Variants in THSD4 observed in about 807,000 individuals in gnomAD.
THSD4 encodes the protein thrombospondin type 1 domain containing 4.
THSD4 carries 69 observed loss-of-function variants against 119.0 expected under a neutral mutation model. The ratio of observed to expected loss-of-function variants is 0.58; its 90% CI spans 0.48 to 0.71. THSD4 has a LOEUF of 0.71. THSD4 is among the 30% of genes least tolerant of loss of function. The probability of loss-of-function intolerance (pLI) is 0.00; values close to 1 mark genes in which losing one functional copy is unlikely to be tolerated. For synonymous variants in THSD4, 524 were observed against 540.4 expected (o/e 0.97, Z 0.42); for missense variants, 1,393 against 1,391.1 (o/e 1.00, Z -0.02).
chr15:71,442,660 G>GTGTGTGTATATATA, intron 7 of THSD4, among the ~76,000 whole-genome samples: 2 of 25,828 alleles, frequency 7.7e-5, no homozygotes, highest in African/African-American at 1.1e-4. Context: ...GTGTGTGTGT[G>GTGTGTGTATATATA]TATATATATA....
chr15:71,716,718 ATCC>A (rs751291251), intron 8 of THSD4, among the ~76,000 whole-genome samples: 14 of 151,860 alleles, frequency 9.2e-5, no homozygotes, highest in Non-Finnish European at 1.8e-4. Context: ...GCACACTATC[ATCC>A]TCCTACCCGA....
chr15:71,313,616 A>G (rs1336461845), intron 6 of THSD4, among the ~76,000 whole-genome samples: 1 of 152,180 alleles, frequency 6.6e-6, no homozygotes, highest in Non-Finnish European at 1.5e-5. Context: ...TAGTTTCAAT[A>G]TATAGACAAT....
intron 7 of THSD4, among the ~76,000 whole-genome samples, chr15:71,640,249 A>ATTT (rs201551522): frequency 1.4e-3 from 201 of 146,592 alleles, no homozygotes; most frequent in African/African-American, 4.8e-3. Context: ...TGCTCAGCTA[A>ATTT]TTTTTTTTTT....
At chr15:71,365,131 T>TTGTGTGTGTGTGTGTGTG (rs10690804) in intron 6 of THSD4, among the ~76,000 whole-genome samples, 10,037 of 135,662 alleles carry the variant, frequency 0.074, 669 homozygotes, top group Non-Finnish European at 0.1. Flanking sequence ...GCCCCCCCCA[T>TTGTGTGTGTGTGTGTGTG]TGTGTGTGTG....
At chr15:71,172,704 T>C (rs1267306769) in intron 3 of THSD4, among the ~76,000 whole-genome samples, 2 of 107,732 alleles carry the variant, frequency 1.9e-5, no homozygotes, top group African/African-American at 9.1e-5. Flanking sequence ...TATATATATA[T>C]ATATATATAT....
At chr15:71,172,698 T>TATATATATGAC (rs2043386437) in intron 3 of THSD4, among the ~76,000 whole-genome samples, 1 of 96,382 alleles carries the variant, frequency 1.0e-5, no homozygotes, top group African/African-American at 5.4e-5. Context: ...TATATATATA[T>TATATATATGAC]ATATATATAT....
intron 8 of THSD4, among the ~76,000 whole-genome samples, chr15:71,682,109 T>A (rs2051795045): frequency 6.6e-6 from 1 of 152,170 alleles, no homozygotes; most frequent in African/African-American, 2.4e-5. Context: ...CCAAGGTCTT[T>A]ATGGACCTGC....
At chr15:71,641,413 A>G (rs1206557210) in intron 7 of THSD4, among the ~76,000 whole-genome samples, 2 of 151,984 alleles carry the variant, frequency 1.3e-5, no homozygotes, top group Admixed American at 1.3e-4. Flanking sequence ...CCAGGTCTTT[A>G]CACCATTGTT....
chr15:71,167,061 G>A (rs184897605), intron 3 of THSD4: 7 of 152,164 alleles, frequency 4.6e-5, no homozygotes, highest in Admixed American at 1.3e-4. Flanking sequence ...GGATTCTCTG[G>A]TTTCCTTGGT....
chr15:71,728,470 C>T, intron 8 of THSD4, 79 bp from the exon 9 acceptor site: 1 of 1,533,702 alleles, frequency 6.5e-7, no homozygotes, highest in Non-Finnish European at 8.9e-7. Flanking sequence ...AATGAAGAAG[C>T]CAGAAACTGG....
rs74021983 is a variant in THSD4 at position 71,395,358 on chromosome 15, C to A, written c.1016-16329C>A. 3.7e-3 allele frequency among the ~76,000 whole-genome samples: 569 copies of A among 152,266 alleles called. 2 individuals carry two copies. The highest frequency in any genetic ancestry group is 0.013 in the African/African-American group (547 of 41,562). ...AAAAGTCCCCACTGAGCTCCACTGC[C>A]CCCCAGGTGCAAAGCCTGTGCTAAG... On this transcript the variant is annotated intron_variant, in intron 6 of 17. Transcript: ENST00000261862.
chr15:71,717,748 A>G (rs952948711), intron 8 of THSD4, among the ~76,000 whole-genome samples: 2 of 152,164 alleles, frequency 1.3e-5, no homozygotes, highest in African/African-American at 4.8e-5. Context: ...TGGCCCTTGA[A>G]CAAGACCCCC....
chr15:71,381,734 A>G (rs1460695038), intron 6 of THSD4, among the ~76,000 whole-genome samples: 2 of 152,232 alleles, frequency 1.3e-5, no homozygotes, highest in African/African-American at 2.4e-5. Flanking sequence ...ACATTTTAAC[A>G]TAACTGAAAT....
At chr15:71,593,821 T>G (rs12908732) in intron 7 of THSD4, among the ~76,000 whole-genome samples, 29,671 of 151,960 alleles carry the variant, frequency 0.2, 3,061 homozygotes, top group Admixed American at 0.22. Flanking sequence ...GGAAGATTGC[T>G]TGAGCCTGGG....
At position 71,138,981 on chromosome 15, in the gene THSD4, C is replaced by G. The variant is rs587834; in HGVS notation, c.-79-2468C>G. On this transcript the variant is annotated intron_variant, in intron 1 of 17. Coordinates refer to ENST00000261862, the MANE Select transcript of THSD4 (RefSeq NM_024817.3). The stretch of plus-strand genomic sequence containing the variant: ...AGTTACAAACAGTATCCCTCCCCCC[C>G]CCATTTTACAGATGAAGAAAGGTTA... 1.4e-4 allele frequency among the ~76,000 whole-genome samples: 21 copies of G among 150,038 alleles called. No individual in the cohort carries two copies. In the South Asian group the frequency reaches 2.5e-3, roughly 18 times the overall value.
chr15:71,611,583 A>G (rs551041725), intron 7 of THSD4, among the ~76,000 whole-genome samples: 1 of 152,360 alleles, frequency 6.6e-6, no homozygotes, highest in Non-Finnish European at 1.5e-5. Flanking sequence ...CAGTCTAGAC[A>G]TAGGAGACAC....
At chr15:71,134,823 T>C (rs989862035) in intron 1 of THSD4, among the ~76,000 whole-genome samples, 1 of 152,132 alleles carries the variant, frequency 6.6e-6, no homozygotes, top group African/African-American at 2.4e-5. Context: ...TTCTAAGGGA[T>C]CTAGAACTAG....
chr15:71,553,129 G>A (rs994388385), intron 7 of THSD4, among the ~76,000 whole-genome samples: 33 of 152,136 alleles, frequency 2.2e-4, no homozygotes, highest in Non-Finnish European at 4.4e-4. Flanking sequence ...GTAAGGGTAT[G>A]TGCCTATGTG....
chr15:71,320,389 C>A (rs762629278), intron 6 of THSD4, among the ~76,000 whole-genome samples: 2 of 152,190 alleles, frequency 1.3e-5, no homozygotes, highest in African/African-American at 4.8e-5. Context: ...CAGCAACTGC[C>A]CTTCTCACGA....
Sources: allele counts gnomAD v4.1 joint callset (sites outside exome capture counted in the v4.1 genomes callset), GRCh38; gene constraint gnomAD v4.1.1; transcripts MANE v1.5; gene names NCBI Gene and HGNC (gene_info 2026-07-23, HGNC 2026-07-21).